Variants in CCDC6 observed in about 807,000 individuals in gnomAD.
CCDC6 encodes coiled-coil domain containing 6.
Under a neutral mutation model 56.6 loss-of-function variants are expected in CCDC6, and 20 were observed. The observed-to-expected ratio is 0.35, with a 90% CI of 0.25 to 0.51. The LOEUF is 0.51. Among genes scored for constraint, CCDC6 ranks in the 20% least tolerant of loss-of-function variants. The probability of loss-of-function intolerance (pLI) is 0.95; values close to 1 mark genes in which losing one functional copy is unlikely to be tolerated. For synonymous variants in CCDC6, 241 were observed against 234.4 expected (o/e 1.03, Z -0.26); for missense variants, 367 against 601.1 (o/e 0.61, Z 4.07).
chr10:59,815,748 G>A (rs982881419), intron 3 of CCDC6, among the ~76,000 whole-genome samples: 41 of 152,112 alleles, frequency 2.7e-4, no homozygotes, highest in Admixed American at 4.6e-4. Context: ...TTCAACCAGT[G>A]GCAATTCACC....
intron 1 of CCDC6, among the ~76,000 whole-genome samples, chr10:59,900,554 G>A (rs1268606749): frequency 2.0e-5 from 3 of 152,142 alleles, no homozygotes; most frequent in Non-Finnish European, 4.4e-5. Flanking sequence ...TGCAGAGCCT[G>A]GTAAACCACC....
At chr10:59,872,762 G>A (rs1401250822) in intron 1 of CCDC6, among the ~76,000 whole-genome samples, 1 of 124,034 alleles carries the variant, frequency 8.1e-6, no homozygotes, top group Admixed American at 9.1e-5. Flanking sequence ...TCCAGTCAAA[G>A]AGGATAACTT....
chr10:59,859,202 G>A (rs1467708464), intron 1 of CCDC6, among the ~76,000 whole-genome samples: 38 of 40,994 alleles, frequency 9.3e-4, no homozygotes, highest in African/African-American at 1.6e-3. Context: ...GTGTGTGCGT[G>A]TGTGTGTGTG....
At chr10:59,853,913 A>T (rs2071059434) in intron 1 of CCDC6, among the ~76,000 whole-genome samples, 1 of 152,224 alleles carries the variant, frequency 6.6e-6, no homozygotes, top group Non-Finnish European at 1.5e-5. Context: ...TTCTGTCTAA[A>T]CGGAAAAGCC....
intron 7 of CCDC6, among the ~76,000 whole-genome samples, chr10:59,803,613 C>T (rs2070594853): frequency 1.3e-5 from 2 of 152,212 alleles, no homozygotes; most frequent in South Asian, 4.1e-4. Context: ...CCACCCACTC[C>T]ACCCTCTGCT....
chr10:59,842,878 C>G (rs1203782431), intron 2 of CCDC6, among the ~76,000 whole-genome samples: 1 of 151,854 alleles, frequency 6.6e-6, no homozygotes, highest in Non-Finnish European at 1.5e-5. Context: ...CTCAACCTCC[C>G]GAGTAGCTGG....
intron 5 of CCDC6, among the ~76,000 whole-genome samples, chr10:59,811,150 T>C (rs1359913713): frequency 6.6e-6 from 1 of 152,128 alleles, no homozygotes. Context: ...ATGGTTAAGT[T>C]TGTATTGTTT....
chr10:59,811,493 T>A (rs1217513961), intron 5 of CCDC6, among the ~76,000 whole-genome samples: 3 of 152,186 alleles, frequency 2.0e-5, no homozygotes, highest in Non-Finnish European at 4.4e-5. Flanking sequence ...TTATGGCATA[T>A]TCATACAATC....
At position 59,856,122 on chromosome 10, in the gene CCDC6, G is replaced by C. The variant is rs114406000; in HGVS notation, c.304-3420C>G. On this transcript the variant is annotated intron_variant, in intron 1 of 8. Coordinates refer to ENST00000263102, the MANE Select transcript of CCDC6 (RefSeq NM_005436.5). ...TGGCCTAACACAGCTTTAATCACAGGGCTCCTTTAGCAAAGATTTTGCCAG... is the reference window on the plus strand; with the variant it reads ...TGGCCTAACACAGCTTTAATCACAGCGCTCCTTTAGCAAAGATTTTGCCAG... Among the ~76,000 whole-genome samples the C allele has an allele frequency of 6.5e-3, 996 of 152,196 alleles. 15 individuals carry two copies. Among genetic ancestry groups the C allele is most frequent in the African/African-American group, 0.023 (948 of 41,516 alleles).
At chr10:59,804,075 T>C (rs2070599044) in intron 7 of CCDC6, among the ~76,000 whole-genome samples, 1 of 152,210 alleles carries the variant, frequency 6.6e-6, no homozygotes, top group East Asian at 1.9e-4. Flanking sequence ...AGGTGTGCTA[T>C]GATGCATCTT....
chr10:59,889,468 T>C (rs555099829), intron 1 of CCDC6, among the ~76,000 whole-genome samples: 2 of 152,294 alleles, frequency 1.3e-5, no homozygotes, highest in East Asian at 3.9e-4. Context: ...ATAAAAACCT[T>C]TGAGTCTTCC....
intron 5 of CCDC6, among the ~76,000 whole-genome samples, chr10:59,809,962 A>G (rs994918330): frequency 6.6e-6 from 1 of 152,200 alleles, no homozygotes; most frequent in African/African-American, 2.4e-5. Context: ...AATGATCCAA[A>G]GATCTGCATG....
At chr10:59,794,412 G>C in intron 8 of CCDC6, 61 bp downstream of exon 8, 2 of 1,573,620 alleles carry the variant, frequency 1.3e-6, no homozygotes, top group South Asian at 2.3e-5. Flanking sequence ...CTGTTCTCCA[G>C]AACACCAGTC....
chr10:59,803,166 T>C (rs2070591721), intron 7 of CCDC6, among the ~76,000 whole-genome samples: 1 of 152,066 alleles, frequency 6.6e-6, no homozygotes, highest in Non-Finnish European at 1.5e-5. Context: ...CAAGAACAAG[T>C]TGTGATGATT....
chr10:59,860,773 C>T (rs983444165), intron 1 of CCDC6, among the ~76,000 whole-genome samples: 8 of 152,098 alleles, frequency 5.3e-5, no homozygotes, highest in East Asian at 1.9e-4. Flanking sequence ...AACTACTGGG[C>T]GCGATGGCTT....
chr10:59,804,399 T>G, intron 7 of CCDC6, 21 bp downstream of exon 7: 1 of 1,452,028 alleles, frequency 6.9e-7, no homozygotes, highest in Non-Finnish European at 9.7e-7. Context: ...GTCACTGAAA[T>G]AGCCAAAGAC....
intron 1 of CCDC6, among the ~76,000 whole-genome samples, chr10:59,878,527 G>A (rs1480930731): frequency 6.6e-6 from 1 of 152,158 alleles, no homozygotes; most frequent in South Asian, 2.1e-4. Context: ...TGCAGTTTAC[G>A]GATAAGGCTA....
intron 3 of CCDC6, among the ~76,000 whole-genome samples, chr10:59,817,071 C>G (rs1397491478): frequency 6.6e-6 from 1 of 152,214 alleles, no homozygotes; most frequent in African/African-American, 2.4e-5. Context: ...ACAATTCCTA[C>G]CTGCAGCAAC....
intron 1 of CCDC6, among the ~76,000 whole-genome samples, chr10:59,865,852 CAAAAA>C (rs777021321): frequency 3.5e-4 from 20 of 57,056 alleles, no homozygotes; most frequent in African/African-American, 1.2e-3. Context: ...TCCATCTCCA[CAAAAA>C]AAAAAAAAAA....
Sources: allele counts gnomAD v4.1 joint callset (sites outside exome capture counted in the v4.1 genomes callset), GRCh38; gene constraint gnomAD v4.1.1; transcripts MANE v1.5; gene names NCBI Gene and HGNC (gene_info 2026-07-23, HGNC 2026-07-21).